Variants in XKR3 observed in about 807,000 individuals in gnomAD.
The protein encoded by XKR3 is XK related 3.
A neutral mutation model predicts 40.3 loss-of-function variants in XKR3; 27 were observed. That is an observed-to-expected ratio of 0.67 (90% CI 0.49 to 0.92). XKR3 has a LOEUF of 0.92. XKR3 is among the 40% of genes least tolerant of loss of function. The pLI, the probability that XKR3 is intolerant of heterozygous loss-of-function variation, is 0.00. For missense variants in XKR3, 472 were observed against 537.6 expected (o/e 0.88, Z 1.21); for synonymous variants, 193 against 195.4 (o/e 0.99, Z 0.10).
At chr22:16,791,568 G>A (rs1458622096) in intron 3 of XKR3, among the ~76,000 whole-genome samples, 3 of 151,484 alleles carry the variant, frequency 2.0e-5, no homozygotes, top group East Asian at 1.9e-4. Flanking sequence ...AGATAACTAC[G>A]TGAGAAAATG....
At position 16,807,722 on chromosome 22, in the gene XKR3, A is replaced by G; in HGVS notation, c.335+17T>C. The G allele has an allele frequency of 6.5e-7, 1 of 1,546,226 alleles. No individual in the cohort carries two copies. Among genetic ancestry groups the G allele is most frequent in the South Asian group, 1.3e-5 (1 of 79,614 alleles). ...ACTTGTTGGAGGCAGTGAATGAGAA[A>G]TATTTGTGTCACTTACCTCACAATA... On this transcript the variant is annotated intron_variant, in intron 2 of 3. Transcript: ENST00000684488.
At chr22:16,812,402 C>A (rs925145997) in intron 1 of XKR3, among the ~76,000 whole-genome samples, 11 of 152,158 alleles carry the variant, frequency 7.2e-5, no homozygotes, top group Non-Finnish European at 1.5e-4. Context: ...ACTTGCTGGG[C>A]GCGGTGGCTC....
chr22:16,789,199 C>T (rs1245548229), intron 3 of XKR3, among the ~76,000 whole-genome samples: 1 of 151,816 alleles, frequency 6.6e-6, no homozygotes, highest in Non-Finnish European at 1.5e-5. Context: ...AGAAAAGGTA[C>T]CCAAATTGGA....
At chr22:16,788,769 G>A (rs1372473567) in intron 3 of XKR3, among the ~76,000 whole-genome samples, 8 of 151,920 alleles carry the variant, frequency 5.3e-5, no homozygotes, top group Middle Eastern at 3.2e-3. Flanking sequence ...GAGTTATAAT[G>A]CACATTTAGA....
chr22:16,800,074 T>A, intron 2 of XKR3, 50 bp from the exon 3 acceptor site: 1 of 1,572,130 alleles, frequency 6.4e-7, no homozygotes, highest in Non-Finnish European at 8.6e-7. Context: ...GTGACAGACA[T>A]CTAGAAATAT....
intron 1 of XKR3, among the ~76,000 whole-genome samples, chr22:16,817,233 T>C (rs2060237469): frequency 6.6e-6 from 1 of 152,072 alleles, no homozygotes; most frequent in Non-Finnish European, 1.5e-5. Flanking sequence ...ATTCCATTTA[T>C]TCATCTCAGA....
At chr22:16,822,984 A>G (rs1042829371) in intron 1 of XKR3, among the ~76,000 whole-genome samples, 3 of 152,058 alleles carry the variant, frequency 2.0e-5, no homozygotes, top group African/African-American at 7.2e-5. Flanking sequence ...CCAGGACTCA[A>G]ATGATCCTCC....
chr22:16,787,758 C>T (rs2060096822), intron 3 of XKR3, among the ~76,000 whole-genome samples: 1 of 151,022 alleles, frequency 6.6e-6, no homozygotes. Context: ...ATATCAAAGA[C>T]AAAGACAGCA....
At chr22:16,817,507 T>C (rs1020358140) in intron 1 of XKR3, among the ~76,000 whole-genome samples, 4 of 152,158 alleles carry the variant, frequency 2.6e-5, no homozygotes, top group African/African-American at 9.6e-5. Context: ...TCCTAGTATC[T>C]GTGGTCAATG....
intron 1 of XKR3, among the ~76,000 whole-genome samples, chr22:16,810,704 A>G (rs534604326): frequency 1.4e-4 from 22 of 152,222 alleles, no homozygotes; most frequent in Non-Finnish European, 2.2e-4. Flanking sequence ...GAAACTACCC[A>G]TTAGCATTCA....
chr22:16,808,580 G>C (rs1225028152), intron 1 of XKR3, among the ~76,000 whole-genome samples: 1 of 152,058 alleles, frequency 6.6e-6, no homozygotes, highest in Non-Finnish European at 1.5e-5. Flanking sequence ...GCTAGATGTT[G>C]GTTATTTGCA....
intron 3 of XKR3, among the ~76,000 whole-genome samples, chr22:16,789,561 T>G (rs566432737): frequency 1.3e-5 from 2 of 152,162 alleles, no homozygotes; most frequent in Non-Finnish European, 2.9e-5. Flanking sequence ...TGCTAATTGA[T>G]TGGAAAAAAG....
chr22:16,785,253 C>A (rs1271203697), intron 3 of XKR3, among the ~76,000 whole-genome samples: 6 of 151,880 alleles, frequency 4.0e-5, no homozygotes, highest in African/African-American at 1.5e-4. Flanking sequence ...GGAGGCGGAG[C>A]TTGCAGTGAG....
chr22:16,798,753 G>A (rs1020637103), intron 3 of XKR3, among the ~76,000 whole-genome samples: 6 of 152,152 alleles, frequency 3.9e-5, no homozygotes, highest in African/African-American at 1.4e-4. Context: ...AATCAATGCA[G>A]GAATAGAAAA....
At position 16,783,594 on chromosome 22, in the gene XKR3, T is replaced by C; in HGVS notation, c.*25A>G. ...TCACATTCAGCATCTTTACTCATTG[T>C]TCTGTGAAAGTATATATGTATATTT... On this transcript the variant is annotated 3_prime_UTR_variant, in exon 4 of 4. Transcript: ENST00000684488. 6.6e-7 allele frequency: 1 copy of C among 1,504,030 alleles called. No homozygotes were observed. The highest frequency in any genetic ancestry group is 8.9e-7 in the Non-Finnish European group (1 of 1,125,332). The allele number at this position is 1,504,030 out of a possible 1,614,324, so 93.2% of individuals were successfully genotyped here. A position where few individuals can be genotyped will look rare whatever the true frequency, so the allele number is the denominator to read the frequency against.
intron 3 of XKR3, among the ~76,000 whole-genome samples, chr22:16,796,853 A>G (rs2060143404): frequency 6.6e-6 from 1 of 152,198 alleles, no homozygotes; most frequent in Admixed American, 6.5e-5. Flanking sequence ...CAAGAAGCCC[A>G]ATTAGTCAAA....
At chr22:16,802,292 T>C (rs1031397684) in intron 2 of XKR3, among the ~76,000 whole-genome samples, 1 of 152,168 alleles carries the variant, frequency 6.6e-6, no homozygotes, top group African/African-American at 2.4e-5. Context: ...TTGTCTTTCA[T>C]TATCTTATAT....
intron 3 of XKR3, among the ~76,000 whole-genome samples, chr22:16,787,306 C>A (rs1203030231): frequency 6.6e-6 from 1 of 151,990 alleles, no homozygotes; most frequent in Non-Finnish European, 1.5e-5. Context: ...CACCTGTAAT[C>A]GCAGCTATTT....
intron 2 of XKR3, among the ~76,000 whole-genome samples, chr22:16,801,833 T>C (rs1315509638): frequency 1.3e-5 from 2 of 152,218 alleles, no homozygotes; most frequent in African/African-American, 4.8e-5. Context: ...ACTGTATTAA[T>C]TTTAAGCTTC....
Sources: gnomAD v4.1 joint callset for allele counts (sites outside exome capture counted in the v4.1 genomes callset) on GRCh38, gnomAD v4.1.1 for gene constraint, MANE v1.5 for transcripts, NCBI Gene and HGNC (gene_info 2026-07-23, HGNC 2026-07-21) for gene names.